BDH2: variants seen among roughly 807,000 people sequenced by gnomAD.
BDH2 encodes the protein dehydrogenase/reductase SDR family member 6.
In BDH2, 24 loss-of-function variants were observed where a neutral mutation model predicts 33.2. The ratio of observed to expected loss-of-function variants is 0.72; its 90% CI spans 0.52 to 1.02. The LOEUF (loss-of-function observed/expected upper bound fraction) is 1.02, where lower values mean the gene tolerates loss of function less well. Ranked by LOEUF, BDH2 falls within the 50% of genes least tolerant of loss-of-function variation. BDH2 has a pLI of 0.00. For missense variants in BDH2, 249 were observed against 301.6 expected, an observed-to-expected ratio of 0.83 and a Z score of 1.29; for synonymous variants, 81 against 101.6, an observed-to-expected ratio of 0.80 and a Z score of 1.22.
chr4:103,080,638 C>T (rs1747464119), intron 9 of BDH2, among the ~76,000 whole-genome samples: 1 of 152,162 alleles, frequency 6.6e-6, no homozygotes, highest in African/African-American at 2.4e-5. Context: ...CTCCAACTCC[C>T]CCAAGTTCTT....
At chr4:103,095,703 C>A (rs1050052444) in intron 2 of BDH2, among the ~76,000 whole-genome samples, 2 of 152,122 alleles carry the variant, frequency 1.3e-5, no homozygotes, top group East Asian at 1.9e-4. Flanking sequence ...TCATAAATGT[C>A]AAACCATACC....
At chr4:103,093,194 C>G (rs937615896) in intron 3 of BDH2, among the ~76,000 whole-genome samples, 1 of 151,964 alleles carries the variant, frequency 6.6e-6, no homozygotes, top group Non-Finnish European at 1.5e-5. Context: ...GTTGCTGGTA[C>G]CTATACAGTA....
intron 4 of BDH2, chr4:103,091,819 C>A: frequency 2.2e-6 from 1 of 448,170 alleles, no homozygotes; most frequent in Non-Finnish European, 4.4e-6. Context: ...AGCAACAGTG[C>A]CCTCAGGTGG....
intron 9 of BDH2, among the ~76,000 whole-genome samples, chr4:103,081,140 C>T (rs1747505239): frequency 6.6e-6 from 1 of 152,162 alleles, no homozygotes; most frequent in Admixed American, 6.5e-5. Flanking sequence ...GGAGGACCTT[C>T]TTGTGCTCTA....
rs769662586 is a variant in BDH2 at position 103,096,168 on chromosome 4, T to C, written c.72+15A>G. ...GTTAGTAGGCAAACAACAAAGATAG[T>C]AACTTATAACTTACTAAGGCAGCTG... is the stretch of plus-strand genomic sequence containing the variant. On this transcript the variant is annotated intron_variant, in intron 2 of 9. Coordinates refer to ENST00000296424, the MANE Select transcript of BDH2 (RefSeq NM_020139.4). 4 of 1,595,940 alleles carry C rather than the reference T, an allele frequency of 2.5e-6. No individual in the cohort carries two copies. The highest frequency in any genetic ancestry group is 1.7e-5 in the Admixed American group (1 of 59,694).
chr4:103,082,628 C>T (rs952042083), intron 8 of BDH2, among the ~76,000 whole-genome samples: 4 of 152,064 alleles, frequency 2.6e-5, no homozygotes, highest in African/African-American at 9.7e-5. Context: ...GATCATAGCT[C>T]ACTGTTGTAC....
At chr4:103,092,334 C>T (rs1748144606) in intron 4 of BDH2, 2 of 396,992 alleles carry the variant, frequency 5.0e-6, no homozygotes, top group South Asian at 3.6e-5. Flanking sequence ...ATTTAACTTC[C>T]ATACATTGTA....
intron 9 of BDH2, 75 bp from the exon 10 acceptor site, chr4:103,079,830 A>C: frequency 7.5e-7 from 1 of 1,340,416 alleles, no homozygotes; most frequent in East Asian, 2.3e-5. Context: ...TTTTCCTGTG[A>C]CTAGGATAAC....
chr4:103,085,893 T>G (rs1330382076), intron 6 of BDH2: 1 of 1,196,330 alleles, frequency 8.4e-7, no homozygotes, highest in Non-Finnish European at 1.1e-6. Flanking sequence ...AGTAACTATT[T>G]CATTTTAAAC....
At chr4:103,090,833 A>G (rs954370201) in intron 5 of BDH2, among the ~76,000 whole-genome samples, 8 of 152,100 alleles carry the variant, frequency 5.3e-5, no homozygotes, top group Non-Finnish European at 1.2e-4. Context: ...TATATTTAAA[A>G]CCACGCCACA....
chr4:103,096,531 ATTTTTTTTTT>A (rs70941651), intron 1 of BDH2, among the ~76,000 whole-genome samples: 45 of 114,238 alleles, frequency 3.9e-4, no homozygotes, highest in African/African-American at 1.4e-3. Context: ...GACATTGGCC[ATTTTTTTTTT>A]TTTTTTTTTT....
intron 4 of BDH2, among the ~76,000 whole-genome samples, chr4:103,091,983 G>A (rs757056028): frequency 3.3e-5 from 5 of 152,188 alleles, no homozygotes; most frequent in Admixed American, 6.6e-5. Context: ...AAACAAACCC[G>A]TAAAGTAGCT....
At chr4:103,093,511 G>C (rs981344900) in intron 3 of BDH2, among the ~76,000 whole-genome samples, 1 of 150,710 alleles carries the variant, frequency 6.6e-6, no homozygotes, top group Non-Finnish European at 1.5e-5. Flanking sequence ...AAAAGCAGCA[G>C]TCATCATTAT....
intron 4 of BDH2, chr4:103,091,736 C>T: frequency 2.2e-6 from 1 of 455,856 alleles, no homozygotes; most frequent in South Asian, 1.5e-5. Context: ...CCAAGACAAA[C>T]CCTGTTTCAG....
At chr4:103,083,572 G>C (rs925703316) in intron 7 of BDH2, among the ~76,000 whole-genome samples, 2 of 151,990 alleles carry the variant, frequency 1.3e-5, no homozygotes, top group Non-Finnish European at 2.9e-5. Flanking sequence ...TAAGAACAAC[G>C]CTAACATTTT....
intron 1 of BDH2, 45 bp downstream of exon 1, chr4:103,099,738 C>CTTCTAAAG (rs1748568573): frequency 6.6e-6 from 1 of 152,224 alleles, no homozygotes; most frequent in Non-Finnish European, 1.5e-5. Flanking sequence ...AACCTCCCCT[C>CTTCTAAAG]TTTCCGTTCT....
chr4:103,083,691 ACT>A (rs1245351361), intron 7 of BDH2, among the ~76,000 whole-genome samples: 1 of 152,106 alleles, frequency 6.6e-6, no homozygotes, highest in Non-Finnish European at 1.5e-5. Context: ...ACTAAAGAGT[ACT>A]CTGGCAAATA....
chr4:103,087,644 A>G (rs1747860561), intron 5 of BDH2, among the ~76,000 whole-genome samples: 1 of 152,250 alleles, frequency 6.6e-6, no homozygotes, highest in South Asian at 2.1e-4. Context: ...CAGTGTACAC[A>G]GTAGGCAGTC....
intron 4 of BDH2, 141 bp downstream of exon 4, chr4:103,092,457 ATG>A: frequency 1.6e-6 from 1 of 643,364 alleles, no homozygotes; most frequent in Non-Finnish European, 2.7e-6. Context: ...TGTAATGAAA[ATG>A]CTGTGTAAAA....
Sources: gnomAD v4.1 joint callset for allele counts (sites outside exome capture counted in the v4.1 genomes callset) on GRCh38, gnomAD v4.1.1 for gene constraint, MANE v1.5 for transcripts, NCBI Gene and HGNC (gene_info 2026-07-23, HGNC 2026-07-21) for gene names.